Variants in ATP2A2 observed in about 807,000 individuals in gnomAD.
ATP2A2 encodes ATPase sarcoplasmic/endoplasmic reticulum Ca2+ transporting 2.
In ATP2A2, 14 loss-of-function variants were observed where a neutral mutation model predicts 109.3. That is an observed-to-expected ratio of 0.13 (90% CI 0.08 to 0.20). The LOEUF (loss-of-function observed/expected upper bound fraction) is 0.20, where lower values mean the gene tolerates loss of function less well. Among genes scored for constraint, ATP2A2 ranks in the 10% least tolerant of loss-of-function variants. The pLI, the probability that ATP2A2 is intolerant of heterozygous loss-of-function variation, is 1.00. For missense variants in ATP2A2, 657 were observed against 1,321.6 expected, an observed-to-expected ratio of 0.50 and a Z score of 7.80; for synonymous variants, 506 against 490.9, an observed-to-expected ratio of 1.03 and a Z score of -0.41.
intron 5 of ATP2A2, among the ~76,000 whole-genome samples, chr12:110,297,470 CTTATG>C (rs1874091891): frequency 6.7e-6 from 1 of 149,756 alleles, no homozygotes; most frequent in African/African-American, 2.5e-5. Context: ...CTTAAAAATA[CTTATG>C]TGTTACACTG....
At chr12:110,316,761 C>T (rs1272500407) in intron 5 of ATP2A2, among the ~76,000 whole-genome samples, 1 of 152,026 alleles carries the variant, frequency 6.6e-6, no homozygotes, top group Non-Finnish European at 1.5e-5. Context: ...TAGAGGAAAG[C>T]CTTACTATTT....
At chr12:110,300,184 CTTTTTTTTT>C (rs1193882539) in intron 5 of ATP2A2, among the ~76,000 whole-genome samples, 1 of 74,278 alleles carries the variant, frequency 1.3e-5, no homozygotes, top group Non-Finnish European at 2.4e-5. Flanking sequence ...CTCGCTCTCT[CTTTTTTTTT>C]TTTTTTTTTT....
At chr12:110,337,409 A>G (rs957337249) in intron 11 of ATP2A2, among the ~76,000 whole-genome samples, 3 of 152,210 alleles carry the variant, frequency 2.0e-5, no homozygotes, top group Non-Finnish European at 4.4e-5. Flanking sequence ...CCTCAGAATC[A>G]TTGCGTGTTC....
intron 4 of ATP2A2, among the ~76,000 whole-genome samples, chr12:110,293,059 C>A (rs1247054240): frequency 6.6e-6 from 1 of 152,008 alleles, no homozygotes; most frequent in African/African-American, 2.4e-5. Context: ...TATAATCACC[C>A]CTTTGAGGAC....
chr12:110,317,436 A>G (rs1359340978), intron 5 of ATP2A2, among the ~76,000 whole-genome samples: 1 of 152,036 alleles, frequency 6.6e-6, no homozygotes, highest in Non-Finnish European at 1.5e-5. Context: ...TTTGAGATGG[A>G]GTCTCACTGT....
In ATP2A2 at chr12:110,292,237, C is replaced by T. The variant is rs999092794; in HGVS notation, c.324+113C>T. ...GATGTGTTGAGTAAAAATATGTTTGCGGGAAGTTTACATGTATTTTCCCTT... is the reference window on the plus strand; with the variant it reads ...GATGTGTTGAGTAAAAATATGTTTGTGGGAAGTTTACATGTATTTTCCCTT... On this transcript the variant is annotated intron_variant, in intron 4 of 19. Coordinates refer to ENST00000539276, the MANE Select transcript of ATP2A2 (RefSeq NM_170665.4). 2.4e-5 allele frequency: 20 copies of T among 832,862 alleles called. No homozygotes were observed. In the East Asian group the frequency reaches 4.2e-4, roughly 17 times the overall value. The allele number at this position is 832,862 out of a possible 1,614,324, so 51.6% of individuals were successfully genotyped here. A position where few individuals can be genotyped will look rare whatever the true frequency, so the allele number is the denominator to read the frequency against.
intron 5 of ATP2A2, among the ~76,000 whole-genome samples, chr12:110,307,927 T>A (rs189863566): frequency 4.3e-4 from 65 of 152,360 alleles, no homozygotes; most frequent in Admixed American, 1.6e-3. Flanking sequence ...TAGGGCAGTG[T>A]TGAGAAGAGT....
In ATP2A2 at chr12:110,341,788, G is replaced by T. The variant is rs550896292; in HGVS notation, c.2098-440G>T. On this transcript the variant is annotated intron_variant, in intron 14 of 19. Coordinates refer to ENST00000539276, the MANE Select transcript of ATP2A2 (RefSeq NM_170665.4). Reference sequence around the variant, plus strand: ...CTCGGGAGATTGAGGCAGGAGAATCGCTTGAACCCAGGAGGCGTGCAGTGA... The same window carrying T: ...CTCGGGAGATTGAGGCAGGAGAATCTCTTGAACCCAGGAGGCGTGCAGTGA... Among the ~76,000 whole-genome samples, 21 of 152,290 alleles carry T rather than the reference G, an allele frequency of 1.4e-4. No homozygotes were observed. The East Asian group carries it at 3.3e-3, about 24-fold the overall frequency.
In ATP2A2 at chr12:110,350,055, T is replaced by C; in HGVS notation, c.*3585T>C. 3 of 1,425,696 alleles carry C rather than the reference T, an allele frequency of 2.1e-6. No individual in the cohort carries two copies. The highest frequency in any genetic ancestry group is 1.8e-6 in the Non-Finnish European group (2 of 1,095,220). The allele number at this position is 1,425,696 out of a possible 1,614,324, so 88.3% of individuals were successfully genotyped here. On this transcript the variant is annotated 3_prime_UTR_variant, in exon 20 of 20. Transcript: ENST00000539276. ...TGGGGTTTTCCTCCAGAGCCTTTAT[T>C]CTGTAGCCAGACGACACGAGGAGTC...
chr12:110,288,718 T>G (rs1028109372), intron 3 of ATP2A2, among the ~76,000 whole-genome samples: 2 of 152,170 alleles, frequency 1.3e-5, no homozygotes, highest in Non-Finnish European at 2.9e-5. Flanking sequence ...AACAGATAAT[T>G]CTTTATATTC....
chr12:110,294,265 G>A (rs577298600), intron 4 of ATP2A2, among the ~76,000 whole-genome samples: 2 of 151,904 alleles, frequency 1.3e-5, no homozygotes, highest in African/African-American at 2.4e-5. Context: ...GGATGGTCTC[G>A]ATCTCCTGAC....
At position 110,339,563 on chromosome 12, in the gene ATP2A2, C is replaced by G. The variant is rs969778387; in HGVS notation, c.1603C>G (p.Pro535Ala). Residue 535 changes from proline to alanine, a missense_variant, in exon 13 of 20, where the codon CCT becomes GCT. This residue lies in a region of ATP2A2 where 180 missense variants were observed against 329.1 expected (regional missense o/e 0.55). Transcript: ENST00000539276. This position sits in a 1 kb window ranked among gnomAD's most constrained non-coding sequence, Gnocchi z 4.4. ...THIRVGSTKV[P>A]MTSGVKQKIM... ...CATTCGAGTTGGAAGTACTAAGGTT[C>G]CTATGACCTCTGGAGTCAAACAGAA... The G allele has an allele frequency of 6.2e-7, 1 of 1,614,044 alleles. No individual in the cohort carries two copies. Among genetic ancestry groups the G allele is most frequent in the East Asian group, 2.2e-5 (1 of 44,896 alleles).
intron 5 of ATP2A2, among the ~76,000 whole-genome samples, chr12:110,299,277 T>A (rs1472676523): frequency 1.3e-5 from 2 of 151,952 alleles, no homozygotes; most frequent in Non-Finnish European, 2.9e-5. Flanking sequence ...TGGCCCACAT[T>A]TTTTTTAATA....
chr12:110,348,711 T>C lies in ATP2A2; in HGVS notation c.*2241T>C, dbSNP rs186973074. 154 of 985,168 alleles carry C rather than the reference T, an allele frequency of 1.6e-4. 1 individual carries two copies. Among genetic ancestry groups the C allele is most frequent in the African/African-American group, 1.3e-3 (75 of 57,250 alleles). 61.0% of individuals were successfully genotyped at this position (985,168 alleles called of 1,614,324 possible). A position where few individuals can be genotyped will look rare whatever the true frequency, so the allele number is the denominator to read the frequency against. ...AGAGTGAGGCCCTGTCAAAAAAAAATCAGCCTTACTGTGAAGCCTCCAAGG... is the reference window on the plus strand; with the variant it reads ...AGAGTGAGGCCCTGTCAAAAAAAAACCAGCCTTACTGTGAAGCCTCCAAGG... On this transcript the variant is annotated 3_prime_UTR_variant, in exon 20 of 20. Coordinates refer to ENST00000539276, the MANE Select transcript of ATP2A2 (RefSeq NM_170665.4).
Position 110,346,475 on chromosome 12 carries a change from C to G in ATP2A2, c.*5C>G. The G allele has an allele frequency of 1.9e-6, 3 of 1,614,168 alleles. No homozygotes were observed. The highest frequency in any genetic ancestry group is 2.5e-6 in the Non-Finnish European group (3 of 1,180,030). On this transcript the variant is annotated 3_prime_UTR_variant, in exon 20 of 20. Transcript: ENST00000539276. ...AGCGATATGTTCTGGTCTTGACTGA[C>G]AGTTTTCCATAAAGAAGATGTTTAA...
At chr12:110,282,531 C>A in intron 1 of ATP2A2, 73 bp from the exon 2 acceptor site, 1 of 1,572,438 alleles carries the variant, frequency 6.4e-7, no homozygotes, top group Non-Finnish European at 8.7e-7. Flanking sequence ...AAACGAAGTG[C>A]TAAAATGTCT....
In ATP2A2 at chr12:110,348,716, C is replaced by G; in HGVS notation, c.*2246C>G. ...GAGGCCCTGTCAAAAAAAAATCAGC[C>G]TTACTGTGAAGCCTCCAAGGCTGCT... is the stretch of plus-strand genomic sequence containing the variant. On this transcript the variant is annotated 3_prime_UTR_variant, in exon 20 of 20. Transcript: ENST00000539276. The G allele has an allele frequency of 1.0e-6, 1 of 985,406 alleles. No individual in the cohort carries two copies. The highest frequency in any genetic ancestry group is 5.2e-4 in the Middle Eastern group (1 of 1,914). The allele number at this position is 985,406 out of a possible 1,614,324, so 61.0% of individuals were successfully genotyped here. A position where few individuals can be genotyped will look rare whatever the true frequency, so the allele number is the denominator to read the frequency against.
intron 4 of ATP2A2, among the ~76,000 whole-genome samples, chr12:110,293,250 A>G (rs1482401455): frequency 6.7e-6 from 1 of 149,380 alleles, no homozygotes; most frequent in East Asian, 2.0e-4. Context: ...TAATTTTTGT[A>G]TTTTTAGTAG....
intron 18 of ATP2A2, chr12:110,345,682 C>G: frequency 1.8e-6 from 1 of 571,176 alleles, no homozygotes; most frequent in Non-Finnish European, 3.1e-6. Flanking sequence ...CCCTTTCACA[C>G]AGACAAATGG....
Sources: gnomAD v4.1 joint callset for allele counts (sites outside exome capture counted in the v4.1 genomes callset) on GRCh38, gnomAD v4.1.1 for gene constraint, gnomAD v4.1.1 regional missense constraint, Gnocchi (gnomAD v3.1) non-coding constraint, MANE v1.5 for transcripts, NCBI Gene and HGNC (gene_info 2026-07-23, HGNC 2026-07-21) for gene names.